The following CASP6 variants were observed in gnomAD, a reference collection of about 807,000 sequenced individuals.
The protein encoded by CASP6 is caspase 6.
A neutral mutation model predicts 31.8 loss-of-function variants in CASP6; 20 were observed. That is an observed-to-expected ratio of 0.63 (90% CI 0.44 to 0.91). The LOEUF (loss-of-function observed/expected upper bound fraction) is 0.91. Ranked by LOEUF, CASP6 falls within the 40% of genes least tolerant of loss-of-function variation. The probability of loss-of-function intolerance (pLI) is 0.00; values close to 1 mark genes in which losing one functional copy is unlikely to be tolerated. For synonymous variants in CASP6, 130 were observed against 127.8 expected (o/e 1.02, Z -0.12); for missense variants, 328 against 361.1 (o/e 0.91, Z 0.74).
the CASP6 span, among the ~76,000 whole-genome samples, chr4:109,669,610 T>C: frequency 6.6e-6 from 1 of 152,144 alleles, no homozygotes; most frequent in Admixed American, 6.5e-5. Flanking sequence ...ATTCTTCTGT[T>C]CTTTCCTTTC....
At chr4:109,691,043 CCTA>C (rs777204633) in intron 5 of CASP6, 34 bp from the exon 6 acceptor site, 2 of 1,582,778 alleles carry the variant, frequency 1.3e-6, no homozygotes, top group South Asian at 2.4e-5. Context: ...CACCTCTTTG[CCTA>C]CTGTTTCCTT....
intron 1 of CASP6, among the ~76,000 whole-genome samples, chr4:109,702,192 A>G (rs1206944905): frequency 6.6e-6 from 1 of 152,222 alleles, no homozygotes; most frequent in African/African-American, 2.4e-5. Context: ...TGCCTCCAGG[A>G]CAAGGCTACC....
chr4:109,669,776 T>C, the CASP6 span, among the ~76,000 whole-genome samples: 1 of 152,150 alleles, frequency 6.6e-6, no homozygotes. Context: ...AGCTTAGAGA[T>C]TCTTTCTTCA....
At chr4:109,703,719 C>T, upstream of CASP6, 1 of 471,186 alleles carries the variant, frequency 2.1e-6, no homozygotes, top group Non-Finnish European at 3.8e-6. Flanking sequence ...GACACACAGA[C>T]CGCCTAGCCC....
At chr4:109,706,129 TTTTATATATATATATATATATATA>T (rs1329919513), upstream of CASP6, among the ~76,000 whole-genome samples, 20 of 56,086 alleles carry the variant, frequency 3.6e-4, no homozygotes, top group South Asian at 2.5e-3. Context: ...TACCTATCCA[TTTTATATATATATATATATATATA>T]TATATATATA....
Position 109,690,944 on chromosome 4 carries a change from CTCTG to C in CASP6, c.545_548del (p.Thr182ArgfsTer7), listed in dbSNP as rs770617285. 49 of 1,613,856 alleles carry C rather than the reference CTCTG, an allele frequency of 3.0e-5. No individual in the cohort carries two copies. The Middle Eastern group carries it at 6.6e-4, about 22-fold the overall frequency. On this transcript the variant is annotated frameshift_variant, in exon 6 of 7. Coordinates refer to ENST00000265164, the MANE Select transcript of CASP6 (RefSeq NM_001226.4). LOFTEE classifies it high-confidence loss of function. ...CCTCAGTTATGTTGGTGTCCAACTTCTCTGTCTGATTATCTACTACATCCAAAGG... is the reference window on the plus strand; with the variant it reads ...CCTCAGTTATGTTGGTGTCCAACTTCTCTGATTATCTACTACATCCAAAGG...
chr4:109,693,620 G>A (rs920282700), intron 5 of CASP6, among the ~76,000 whole-genome samples: 24 of 151,016 alleles, frequency 1.6e-4, no homozygotes, highest in Admixed American at 1.5e-3. Flanking sequence ...TGGGGGCGGA[G>A]GTTGCAGTGA....
At position 109,696,410 on chromosome 4, in the gene CASP6, C is replaced by A. The variant is rs1730240559; in HGVS notation, c.307G>T (p.Val103Leu). 3 of 1,608,218 alleles carry A rather than the reference C, an allele frequency of 1.9e-6. No homozygotes were observed. The South Asian group carries it at 3.3e-5, about 18-fold the overall frequency. The change falls in exon 4 of 7, where the codon GTG becomes TTG. Residue 103 changes from valine to leucine, a missense_variant and splice_region_variant. Val to Leu is a conservative substitution (Grantham distance 32, BLOSUM62 1). Transcript: ENST00000265164. ...ACTATATGATAGCAAAACTACCTAC[C>A]CTCATGAATTTTGAGCAGTAGTTCT... ...AEELLLKIHE[V>L]STVSHADADC...
upstream of CASP6, among the ~76,000 whole-genome samples, chr4:109,706,540 G>A (rs1730623007): frequency 6.6e-6 from 1 of 152,122 alleles, no homozygotes. Flanking sequence ...GCAGTGGCAG[G>A]GTTTGGGGGG....
chr4:109,685,110 T>G, downstream of CASP6: 1 of 551,948 alleles, frequency 1.8e-6, no homozygotes, highest in Non-Finnish European at 3.2e-6. Context: ...GGCTTATGCT[T>G]ACTCTCATGG....
chr4:109,677,464 G>C, the CASP6 span, among the ~76,000 whole-genome samples: 1 of 152,174 alleles, frequency 6.6e-6, no homozygotes, highest in African/African-American at 2.4e-5. Flanking sequence ...GAATTTGAGG[G>C]GCCGGGGCAG....
chr4:109,701,460 CCTCT>C (rs1249634153), intron 1 of CASP6, among the ~76,000 whole-genome samples: 4 of 149,880 alleles, frequency 2.7e-5, no homozygotes, highest in Non-Finnish European at 5.9e-5. Context: ...ACAGAGCCTC[CCTCT>C]GTCGCCCAGG....
At chr4:109,700,637 A>G (rs961738786) in intron 1 of CASP6, among the ~76,000 whole-genome samples, 1 of 152,080 alleles carries the variant, frequency 6.6e-6, no homozygotes, top group Non-Finnish European at 1.5e-5. Flanking sequence ...ACGGATGTAG[A>G]AAAAAACCTA....
At chr4:109,702,957 G>T (rs1730468937) in intron 1 of CASP6, 1 of 212,930 alleles carries the variant, frequency 4.7e-6, no homozygotes, top group East Asian at 1.0e-4. Context: ...GCAAACAAAA[G>T]ATCCAACCCC....
At chr4:109,664,416 C>A in the CASP6 span, 72 of 801,246 alleles carry the variant, frequency 9.0e-5, no homozygotes, top group Non-Finnish European at 1.3e-4. Flanking sequence ...AGCTATCCAA[C>A]TATTACTTTT....
chr4:109,706,001 AATATAT>A (rs58700813), upstream of CASP6, among the ~76,000 whole-genome samples: 1,436 of 31,548 alleles, frequency 0.046, 53 homozygotes, highest in African/African-American at 0.054. Flanking sequence ...AAAAAAAAAA[AATATAT>A]ATATATATAT....
At chr4:109,697,232 A>AT (rs5030553) in intron 3 of CASP6, among the ~76,000 whole-genome samples, 4 of 151,814 alleles carry the variant, frequency 2.6e-5, no homozygotes, top group African/African-American at 4.8e-5. Context: ...TTAATTTTTA[A>AT]TTTTTTTTAA....
chr4:109,682,089 G>A, the CASP6 span, among the ~76,000 whole-genome samples: 1 of 152,018 alleles, frequency 6.6e-6, no homozygotes, highest in Non-Finnish European at 1.5e-5. Context: ...TTGGGTGTGA[G>A]CCAAGTTGCA....
At chr4:109,702,371 C>G (rs1408842088) in intron 1 of CASP6, among the ~76,000 whole-genome samples, 1 of 145,604 alleles carries the variant, frequency 6.9e-6, no homozygotes, top group East Asian at 2.1e-4. Flanking sequence ...ACTCTGTCGC[C>G]GAGGTTGGAG....
Sources: allele counts gnomAD v4.1 joint callset (sites outside exome capture counted in the v4.1 genomes callset), GRCh38; gene constraint gnomAD v4.1.1; transcripts MANE v1.5; gene names NCBI Gene and HGNC (gene_info 2026-07-23, HGNC 2026-07-21).